G6PD: variants seen among roughly 807,000 people sequenced by gnomAD.
The protein encoded by G6PD is glucose-6-phosphate 1-dehydrogenase.
A neutral mutation model predicts 38.2 loss-of-function variants in G6PD; 2 were observed. The ratio of observed to expected loss-of-function variants is 0.05; its 90% CI spans 0.02 to 0.16. The LOEUF (loss-of-function observed/expected upper bound fraction) is 0.16, where lower values mean the gene tolerates loss of function less well. Among genes scored for constraint, G6PD ranks in the 10% least tolerant of loss-of-function variants. The pLI is 1.00. For missense variants in G6PD, 310 were observed against 471.6 expected, an observed-to-expected ratio of 0.66 and a Z score of 3.17; for synonymous variants, 188 against 196.0, an observed-to-expected ratio of 0.96 and a Z score of 0.34.
chrX:154,536,032 C>T lies in G6PD; in HGVS notation c.172G>A (p.Asp58Asn), dbSNP rs137852315. 8.3e-7 allele frequency: 1 copy of T among 1,211,269 alleles called. No individual in the cohort carries two copies. Among genetic ancestry groups the T allele is most frequent in the Non-Finnish European group, 1.1e-6 (1 of 894,845 alleles). The change falls in exon 4 of 13, where the codon GAT (aspartate) becomes AAT (asparagine). Residue 58 changes from aspartate to asparagine, a missense_variant. Coordinates refer to ENST00000393562, the MANE Select transcript of G6PD (RefSeq NM_001360016.2). ...IYPTIWWLFR[D>N]GLLPENTFIV... ...AAGGTGTTTTCGGGCAGAAGGCCAT[C>T]CCGGAACAGCCACCTGAGGGCAGGG...
At chrX:154,534,535 C>T in intron 5 of G6PD, 39 bp from the exon 6 acceptor site, 1 of 1,204,495 alleles carries the variant, frequency 8.3e-7, no homozygotes, top group Non-Finnish European at 1.1e-6. Flanking sequence ...CCTTGAACCC[C>T]TCTTCGGGGA....
At chrX:154,541,776 T>C (rs782659785) in intron 2 of G6PD, among the ~76,000 whole-genome samples, 2 of 112,680 alleles carry the variant, frequency 1.8e-5, no homozygotes, top group East Asian at 5.6e-4. Context: ...GCCACCAACA[T>C]CTGGCTAGGC....
intron 2 of G6PD, 200 bp downstream of exon 2, chrX:154,545,836 C>CAAAAAA: frequency 3.5e-6 from 1 of 283,023 alleles, no homozygotes; most frequent in Non-Finnish European, 5.8e-6. Context: ...ACTCCGTCTC[C>CAAAAAA]AAAAAAAAAA....
chrX:154,547,477 G>A (rs1056367818), upstream of G6PD: 2 of 754,284 alleles, frequency 2.7e-6, no homozygotes, highest in African/African-American at 4.6e-5. Flanking sequence ...CCGAGCTTCC[G>A]CGGGCCTGCA....
At chrX:154,533,768 G>A in intron 7 of G6PD, 99 bp from the exon 8 acceptor site, 1 of 1,185,599 alleles carries the variant, frequency 8.4e-7, no homozygotes, top group African/African-American at 1.7e-5. Context: ...GTGACAAGCT[G>A]CAAGACTCAC....
In G6PD at chrX:154,531,757, G is replaced by A. The variant is rs1557229287; in HGVS notation, c.*243C>T. On this transcript the variant is annotated 3_prime_UTR_variant, in exon 13 of 13. Transcript: ENST00000393562. ...CTTCTGTTGGGCTGGAGTGAGTGGA[G>A]GAGGTGACTCAGCTCCTGGGCTCAG... 4 of 451,385 alleles carry A rather than the reference G, an allele frequency of 8.9e-6. No homozygotes were observed. Among genetic ancestry groups the A allele is most frequent in the African/African-American group, 2.5e-5 (1 of 40,743 alleles). 37.2% of individuals were successfully genotyped at this position (451,385 alleles called of 1,213,427 possible). A position where few individuals can be genotyped will look rare whatever the true frequency, so the allele number is the denominator to read the frequency against.
At position 154,546,053 on chromosome X, in the gene G6PD, T is replaced by C; in HGVS notation, c.103A>G (p.Ile35Val). Residue 35 changes from isoleucine to valine, a missense_variant, in exon 2 of 13, where the codon ATC (isoleucine) becomes GTC (valine). Physicochemically the swap from Ile to Val is conservative, Grantham distance 29. This residue lies in a region of G6PD where 29 missense variants were observed against 28.2 expected (regional missense o/e 1.03). Transcript: ENST00000393562. ...ATACTCACCGATGCACCCATGATGATGAATATGTGTGTATCCGACTGATGG... is the reference window on the plus strand; with the variant it reads ...ATACTCACCGATGCACCCATGATGACGAATATGTGTGTATCCGACTGATGG... ...AFHQSDTHIF[I>V]IMGASGDLAK... 8.3e-7 allele frequency: 1 copy of C among 1,211,068 alleles called. No individual in the cohort carries two copies. The highest frequency in any genetic ancestry group is 1.1e-6 in the Non-Finnish European group (1 of 895,320).
At position 154,536,109 on chromosome X, in the gene G6PD, AG is replaced by A. The variant is rs2070405858; in HGVS notation, c.158+31del. ...CAGGACCAGGCCTGTCCCTGGCGGG[AG>A]GTCACAGGGGCAGTGGTGGGACACA... On this transcript the variant is annotated intron_variant, in intron 3 of 12. Coordinates refer to ENST00000393562, the MANE Select transcript of G6PD (RefSeq NM_001360016.2). 6.6e-6 allele frequency: 8 copies of A among 1,207,049 alleles called. No homozygotes were observed. In the East Asian group the frequency reaches 2.4e-4, roughly 36 times the overall value.
chrX:154,547,201 C>T (rs1557233816), upstream of G6PD: 3 of 420,824 alleles, frequency 7.1e-6, no homozygotes, highest in Non-Finnish European at 9.0e-6. Flanking sequence ...CGCGCGCTCG[C>T]GGAGGGCTCC....
Position 154,531,556 on chromosome X carries a change from G to C in G6PD, c.*444C>G, listed in dbSNP as rs2148327679. The C allele has an allele frequency of 5.4e-6, 1 of 186,552 alleles. No individual in the cohort carries two copies. The highest frequency in any genetic ancestry group is 3.0e-5 in the African/African-American group (1 of 33,656). 15.4% of individuals were successfully genotyped at this position (186,552 alleles called of 1,213,427 possible). A position where few individuals can be genotyped will look rare whatever the true frequency, so the allele number is the denominator to read the frequency against. ...CCAGGGGGCTCGAGATGTTGCTGGT[G>C]ACAAGGAATGTCAAGTGGCACTGAG... On this transcript the variant is annotated 3_prime_UTR_variant, in exon 13 of 13. Coordinates refer to ENST00000393562, the MANE Select transcript of G6PD (RefSeq NM_001360016.2).
Position 154,533,944 on chromosome X carries a change from G to C in G6PD, c.770+91C>G, listed in dbSNP as rs1473971664. 7.5e-6 allele frequency: 9 copies of C among 1,201,589 alleles called. No individual in the cohort carries two copies. The Admixed American group carries it at 1.1e-4, about 15-fold the overall frequency. Reference sequence around the variant, plus strand: ...AGGTTTTGAACTGCAGGGTGAGGAGGAGCTCCCCCAAGATAGGGAAGAGTA... The same window carrying C: ...AGGTTTTGAACTGCAGGGTGAGGAGCAGCTCCCCCAAGATAGGGAAGAGTA... On this transcript the variant is annotated intron_variant, in intron 7 of 12. Transcript: ENST00000393562.
chrX:154,535,162 C>T lies in G6PD; in HGVS notation c.485+6G>A. ...GGCGGGAAGGGAGGGCAACGGCAAG[C>T]CTTACATCTGGCTCATGCAGGACTC... is the stretch of plus-strand genomic sequence containing the variant. On this transcript the variant is annotated splice_donor_region_variant and intron_variant, in intron 5 of 12. Transcript: ENST00000393562. The T allele has an allele frequency of 8.3e-7, 1 of 1,208,886 alleles. No individual in the cohort carries two copies. Among genetic ancestry groups the T allele is most frequent in the Non-Finnish European group, 1.1e-6 (1 of 893,905 alleles).
chrX:154,542,227 C>T (rs1423284644), intron 2 of G6PD: 1 of 941,109 alleles, frequency 1.1e-6, no homozygotes, highest in African/African-American at 2.0e-5. Context: ...TCCCACAGGC[C>T]CATCATTGGG....
intron 4 of G6PD, 70 bp downstream of exon 4, chrX:154,535,867 C>T (rs1376414352): frequency 3.9e-5 from 36 of 922,257 alleles, no homozygotes; most frequent in Admixed American, 2.6e-4. Context: ...GGGAGGTCCC[C>T]GAAGCTGGCC....
chrX:154,547,453 C>A, upstream of G6PD: 1 of 755,174 alleles, frequency 1.3e-6, no homozygotes, highest in Non-Finnish European at 1.6e-6. Context: ...AAGTGGCCGG[C>A]GTGCTTATCA....
At chrX:154,545,919 G>T in intron 2 of G6PD, 117 bp downstream of exon 2, 1 of 925,328 alleles carries the variant, frequency 1.1e-6, no homozygotes, top group Non-Finnish European at 1.5e-6. Flanking sequence ...TAGCAGGAGC[G>T]GGAGGAGGAG....
Position 154,546,811 on chromosome X carries a change from T to C in G6PD, c.-31A>G, listed in dbSNP as rs1260984996. On this transcript the variant is annotated 5_prime_UTR_variant, in exon 1 of 13. Coordinates refer to ENST00000393562, the MANE Select transcript of G6PD (RefSeq NM_001360016.2). Reference sequence around the variant, plus strand: ...TACCTGCGCTTCGTCGTCGTCGCCCTCCGCGCTCGCAGCCCCGAAGTGTAC... The same window carrying C: ...TACCTGCGCTTCGTCGTCGTCGCCCCCCGCGCTCGCAGCCCCGAAGTGTAC... 1 of 1,161,186 alleles carries C rather than the reference T, an allele frequency of 8.6e-7. No individual in the cohort carries two copies. The highest frequency in any genetic ancestry group is 1.1e-6 in the Non-Finnish European group (1 of 872,578).
intron 2 of G6PD, 22 bp downstream of exon 2, chrX:154,546,014 T>C (rs200481330): frequency 1.8e-4 from 219 of 1,207,008 alleles, no homozygotes; most frequent in Non-Finnish European, 2.1e-4. Flanking sequence ...GCTTTTAAGA[T>C]TGGGGCCTGG....
chrX:154,547,209 T>C (rs962780890), upstream of G6PD: 11 of 470,945 alleles, frequency 2.3e-5, no homozygotes, highest in African/African-American at 2.9e-4. Flanking sequence ...CGCGGAGGGC[T>C]CCACTTCCGC....
Sources: allele counts gnomAD v4.1 joint callset (sites outside exome capture counted in the v4.1 genomes callset), GRCh38; gene constraint gnomAD v4.1.1; regional missense constraint gnomAD v4.1.1; transcripts MANE v1.5; gene names NCBI Gene and HGNC (gene_info 2026-07-23, HGNC 2026-07-21).